FBXL14: variants seen among roughly 807,000 people sequenced by gnomAD.
The protein encoded by FBXL14 is F-box/LRR-repeat protein 14.
A neutral mutation model predicts 24.5 loss-of-function variants in FBXL14; 11 were observed. The ratio of observed to expected loss-of-function variants is 0.45; its 90% CI spans 0.28 to 0.74. The LOEUF (loss-of-function observed/expected upper bound fraction) is 0.74. Ranked by LOEUF, FBXL14 falls within the 30% of genes least tolerant of loss-of-function variation. The pLI is 0.12. For synonymous variants in FBXL14, 294 were observed against 240.4 expected (o/e 1.22, Z -2.06); for missense variants, 384 against 545.6 (o/e 0.70, Z 2.95).
At chr12:1,590,770 G>A (rs1434078839) in intron 1 of FBXL14, among the ~76,000 whole-genome samples, 3 of 152,174 alleles carry the variant, frequency 2.0e-5, no homozygotes, top group Admixed American at 2.0e-4. Context: ...ATGTGAAAAA[G>A]AGGGCTTGAG....
intron 1 of FBXL14, among the ~76,000 whole-genome samples, chr12:1,580,428 A>G (rs1313180728): frequency 2.0e-5 from 3 of 152,214 alleles, no homozygotes; most frequent in Non-Finnish European, 4.4e-5. Flanking sequence ...CACAGATGAC[A>G]TCCTTCCACC....
Position 1,593,007 on chromosome 12 carries a change from G to A in FBXL14, c.1060C>T (p.His354Tyr). ...TDKGLELIAE[H>Y]LSQLTGIDLY... The stretch of plus-strand genomic sequence containing the variant: ...TCTATGCCGGTGAGTTGGCTCAGGT[G>A]CTCAGCGATCAGCTCCAGGCCCTTG... The change falls in exon 1 of 2, where the codon CAC (histidine) becomes TAC (tyrosine). Residue 354 changes from histidine (H) to tyrosine (Y), a missense_variant. His to Tyr is a moderately conservative substitution (Grantham distance 83). Transcript: ENST00000339235. The surrounding 1 kb of genome is among the most constrained non-coding windows in gnomAD (Gnocchi z 7.4). 1 of 1,612,522 alleles carries A rather than the reference G, an allele frequency of 6.2e-7. No homozygotes were observed. The highest frequency in any genetic ancestry group is 8.5e-7 in the Non-Finnish European group (1 of 1,180,024).
chr12:1,594,359 C>T lies in FBXL14; in HGVS notation c.-293G>A, dbSNP rs1210963111. 1.4e-5 allele frequency among the ~76,000 whole-genome samples: 2 copies of T among 145,582 alleles called. No individual in the cohort carries two copies. The highest frequency in any genetic ancestry group is 4.0e-4 in the East Asian group (2 of 5,042). On this transcript the variant is annotated 5_prime_UTR_variant, in exon 1 of 2. Coordinates refer to ENST00000339235, the MANE Select transcript of FBXL14 (RefSeq NM_152441.3). The stretch of plus-strand genomic sequence containing the variant: ...CGGGGAAGGCGCCTCGCTCTCGCTC[C>T]CGGAGGCCGGCCGCCGCCGCCGCCT...
rs1353352652 is a variant in FBXL14 at position 1,569,132 on chromosome 12, A to G, written c.1195-2322T>C. Among the ~76,000 whole-genome samples the G allele has an allele frequency of 6.6e-6, 1 of 152,124 alleles. No homozygotes were observed. The highest frequency in any genetic ancestry group is 1.5e-5 in the Non-Finnish European group (1 of 68,006). ...AAAAAGGAAAAGCTGGTGCACCTTTATCTCTGTACATGCAAATTTATATAA... is the reference window on the plus strand; with the variant it reads ...AAAAAGGAAAAGCTGGTGCACCTTTGTCTCTGTACATGCAAATTTATATAA... On this transcript the variant is annotated intron_variant, in intron 1 of 1. Coordinates refer to ENST00000339235, the MANE Select transcript of FBXL14 (RefSeq NM_152441.3). The surrounding 1 kb of genome is among the most constrained non-coding windows in gnomAD (Gnocchi z 4.2).
upstream of FBXL14, among the ~76,000 whole-genome samples, chr12:1,594,808 GCTCCGCCGCCCTGCAGCGCGTCCC>G (rs1259930731): frequency 1.3e-5 from 2 of 151,112 alleles, no homozygotes; most frequent in Non-Finnish European, 3.0e-5. Flanking sequence ...GCCGGCCCCG[GCTCCGCCGCCCTGCAGCGCGTCCC>G]CTCCGCCGCT....
chr12:1,589,469 GAAGACA>G (rs2094484482), intron 1 of FBXL14, among the ~76,000 whole-genome samples: 2 of 111,022 alleles, frequency 1.8e-5, no homozygotes, highest in African/African-American at 7.8e-5. Context: ...AGGAAGGCAG[GAAGACA>G]GGAAGGAAGG....
At chr12:1,580,502 TCTAAAAACA>T (rs1592469808) in intron 1 of FBXL14, among the ~76,000 whole-genome samples, 2 of 152,136 alleles carry the variant, frequency 1.3e-5, no homozygotes, top group East Asian at 3.9e-4. Flanking sequence ...GCTCAGTGTG[TCTAAAAACA>T]GGACCAAATG....
chr12:1,585,124 C>T (rs1173832878), intron 1 of FBXL14, among the ~76,000 whole-genome samples: 3 of 152,294 alleles, frequency 2.0e-5, no homozygotes, highest in Middle Eastern at 3.4e-3. Flanking sequence ...TGTGGCCGGG[C>T]GCGGTGGCTC....
Position 1,593,466 on chromosome 12 carries a change from AG to A in FBXL14, c.600del (p.Cys201AlafsTer20). On this transcript the variant is annotated frameshift_variant, in exon 1 of 2. Coordinates refer to ENST00000339235, the MANE Select transcript of FBXL14 (RefSeq NM_152441.3). LOFTEE classifies it high-confidence loss of function. The surrounding 1 kb of genome is among the most constrained non-coding windows in gnomAD (Gnocchi z 7.4). ...LAGMTRSAAE[G>X]CLGLEQLTLQ... is the part of the protein sequence containing the mutation. ...AGCGTGAGCTGCTCCAGGCCCAGGC[AG>A]CCCTCCGCCGCGCTGCGCGTCATGC... 1 of 1,613,966 alleles carries A rather than the reference AG, an allele frequency of 6.2e-7. No homozygotes were observed. The highest frequency in any genetic ancestry group is 1.1e-5 in the South Asian group (1 of 91,090).
At chr12:1,592,128 T>C (rs2094491529) in intron 1 of FBXL14, among the ~76,000 whole-genome samples, 1 of 150,550 alleles carries the variant, frequency 6.6e-6, no homozygotes, top group African/African-American at 2.4e-5. Context: ...AATATCTCTC[T>C]TGTAGAATTC....
Position 1,569,397 on chromosome 12 carries a change from C to CTTTTT in FBXL14, c.1195-2592_1195-2588dup, listed in dbSNP as rs35122636. On this transcript the variant is annotated intron_variant, in intron 1 of 1. Coordinates refer to ENST00000339235, the MANE Select transcript of FBXL14 (RefSeq NM_152441.3). This position sits in a 1 kb window ranked among gnomAD's most constrained non-coding sequence, Gnocchi z 4.2. ...ATGCTAAATAAGAAACCACTTCGTT[C>CTTTTT]TTTTTTTTTTTTTTTTTGTCTGAGA... Among the ~76,000 whole-genome samples, 3 of 134,928 alleles carry CTTTTT rather than the reference C, an allele frequency of 2.2e-5. No individual in the cohort carries two copies. Among genetic ancestry groups the CTTTTT allele is most frequent in the South Asian group, 2.4e-4 (1 of 4,216 alleles). 88.5% of individuals were successfully genotyped at this position (134,928 alleles called of 152,430 possible).
At chr12:1,581,099 C>G (rs2094465399) in intron 1 of FBXL14, among the ~76,000 whole-genome samples, 1 of 152,130 alleles carries the variant, frequency 6.6e-6, no homozygotes, top group Admixed American at 6.5e-5. Context: ...CTGGAATCCC[C>G]CACCCACAAC....
At chr12:1,582,051 G>A (rs780342455) in intron 1 of FBXL14, among the ~76,000 whole-genome samples, 4 of 152,002 alleles carry the variant, frequency 2.6e-5, no homozygotes, top group Non-Finnish European at 5.9e-5. Context: ...GCTTGAACCC[G>A]GGGAGCAGAA....
intron 1 of FBXL14, among the ~76,000 whole-genome samples, chr12:1,591,368 A>C (rs2154438378): frequency 6.6e-6 from 1 of 151,370 alleles, no homozygotes; most frequent in South Asian, 2.1e-4. Flanking sequence ...TTTTTTCAAA[A>C]ACATACTTCA....
chr12:1,577,160 C>A (rs906075914), intron 1 of FBXL14, among the ~76,000 whole-genome samples: 2 of 152,216 alleles, frequency 1.3e-5, no homozygotes, highest in Non-Finnish European at 1.5e-5. Context: ...AATCTTGATA[C>A]TGCCTGCTCA....
intron 1 of FBXL14, among the ~76,000 whole-genome samples, chr12:1,591,049 T>G (rs1457040682): frequency 6.6e-6 from 1 of 152,236 alleles, no homozygotes; most frequent in African/African-American, 2.4e-5. Flanking sequence ...GTGACTTACA[T>G]ACAAATCTGG....
At position 1,594,237 on chromosome 12, in the gene FBXL14, C is replaced by T. The variant is rs2094496975; in HGVS notation, c.-171G>A. The T allele has an allele frequency of 4.2e-6, 1 of 238,464 alleles. No homozygotes were observed. Among genetic ancestry groups the T allele is most frequent in the South Asian group, 1.4e-4 (1 of 7,302 alleles). The allele number at this position is 238,464 out of a possible 1,614,324, so 14.8% of individuals were successfully genotyped here. ...CTTCCGGCTCCGGCCGCCGCCGCCG[C>T]TCCTCCTCCTGGTCCGTCCGTCCTT... On this transcript the variant is annotated 5_prime_UTR_variant, in exon 1 of 2. Coordinates refer to ENST00000339235, the MANE Select transcript of FBXL14 (RefSeq NM_152441.3).
intron 1 of FBXL14, among the ~76,000 whole-genome samples, chr12:1,580,152 G>C (rs2094463398): frequency 6.6e-6 from 1 of 152,230 alleles, no homozygotes; most frequent in Non-Finnish European, 1.5e-5. Context: ...TAGGAAGAAG[G>C]CTATCTGGCA....
chr12:1,588,212 C>G (rs904658735), intron 1 of FBXL14, among the ~76,000 whole-genome samples: 3 of 152,150 alleles, frequency 2.0e-5, no homozygotes. Context: ...CTGGGGGCCA[C>G]TACCCTTTCC....
Sources: gnomAD v4.1 joint callset for allele counts (sites outside exome capture counted in the v4.1 genomes callset) on GRCh38, gnomAD v4.1.1 for gene constraint, Gnocchi (gnomAD v3.1) non-coding constraint, MANE v1.5 for transcripts, NCBI Gene and HGNC (gene_info 2026-07-23, HGNC 2026-07-21) for gene names.